The following DDX19B variants were observed in gnomAD, a reference collection of about 807,000 sequenced individuals.
The protein encoded by DDX19B is DEAD-box helicase 19B, also known as ATP-dependent RNA helicase DDX19B.
A neutral mutation model predicts 58.1 loss-of-function variants in DDX19B; 27 were observed. The observed-to-expected ratio is 0.46, with a 90% CI of 0.34 to 0.64. DDX19B has a LOEUF of 0.64. DDX19B is among the 30% of genes least tolerant of loss of function. The pLI is 0.01. For synonymous variants in DDX19B, 187 were observed against 214.4 expected, an observed-to-expected ratio of 0.87 and a Z score of 1.12; for missense variants, 399 against 596.5, an observed-to-expected ratio of 0.67 and a Z score of 3.45.
chr16:70,321,992 G>A (rs994902831), intron 5 of DDX19B, among the ~76,000 whole-genome samples: 8 of 149,180 alleles, frequency 5.4e-5, no homozygotes, highest in African/African-American at 7.4e-5. Context: ...CTGAGATCGC[G>A]CCATTGGACT....
chr16:70,329,605 T>A, intron 8 of DDX19B, 136 bp downstream of exon 8: 3 of 1,394,546 alleles, frequency 2.2e-6, no homozygotes, highest in Non-Finnish European at 2.9e-6. Context: ...GACGGGCCAC[T>A]TCCGTGTCAG....
chr16:70,304,498 G>A (rs949277079), intron 1 of DDX19B, among the ~76,000 whole-genome samples: 2 of 148,080 alleles, frequency 1.4e-5, no homozygotes, highest in Admixed American at 6.7e-5. Context: ...TTAGTCCCCC[G>A]AGTAGCTGGG....
chr16:70,325,780 A>G (rs1963112961), intron 7 of DDX19B, 92 bp downstream of exon 7: 2 of 930,474 alleles, frequency 2.1e-6, no homozygotes, highest in Non-Finnish European at 3.5e-6. Context: ...ATAATACAAT[A>G]AACACATGTA....
At chr16:70,305,023 T>C (rs58434182) in intron 1 of DDX19B, among the ~76,000 whole-genome samples, 14,006 of 152,144 alleles carry the variant, frequency 0.092, 2,095 homozygotes, top group African/African-American at 0.32. Flanking sequence ...TCTACTTTTT[T>C]GTGATGACTG....
intron 7 of DDX19B, among the ~76,000 whole-genome samples, chr16:70,326,873 C>T (rs567383239): frequency 2.0e-5 from 3 of 151,216 alleles, no homozygotes; most frequent in African/African-American, 7.3e-5. Flanking sequence ...CTCGCCCTGT[C>T]GCCCAGGCTG....
At chr16:70,296,044 G>A (rs1311719234), upstream of DDX19B, among the ~76,000 whole-genome samples, 1 of 135,864 alleles carries the variant, frequency 7.4e-6, no homozygotes, top group Non-Finnish European at 1.5e-5. Context: ...TCGCTCTGTT[G>A]CCCAGGCTGG....
At chr16:70,311,030 CA>C (rs59944573) in intron 1 of DDX19B, among the ~76,000 whole-genome samples, 352 of 108,506 alleles carry the variant, frequency 3.2e-3, no homozygotes, top group Admixed American at 3.3e-3. Flanking sequence ...GACTCTGTCT[CA>C]AAAAAAAAAA....
intron 5 of DDX19B, among the ~76,000 whole-genome samples, chr16:70,323,055 C>T (rs1003009605): frequency 1.3e-5 from 2 of 151,984 alleles, no homozygotes; most frequent in African/African-American, 2.4e-5. Flanking sequence ...CCTCATTTTC[C>T]TCGTCCATAT....
intron 1 of DDX19B, among the ~76,000 whole-genome samples, chr16:70,309,245 C>A (rs562241791): frequency 2.6e-5 from 4 of 152,118 alleles, no homozygotes; most frequent in African/African-American, 9.7e-5. Context: ...CCTGTAATCC[C>A]AGCACTTCGG....
At chr16:70,306,504 GT>G (rs1961763448) in intron 1 of DDX19B, among the ~76,000 whole-genome samples, 1 of 152,150 alleles carries the variant, frequency 6.6e-6, no homozygotes, top group East Asian at 1.9e-4. Flanking sequence ...GCCTAAGAGG[GT>G]TTGTTAGGAG....
chr16:70,329,231 A>G, intron 7 of DDX19B, 61 bp from the exon 8 acceptor site: 1 of 1,539,980 alleles, frequency 6.5e-7, no homozygotes, highest in East Asian at 2.3e-5. Flanking sequence ...TCAAAAAAAA[A>G]AAAAAAAAAA....
chr16:70,294,168 G>A (rs990116245), upstream of DDX19B, among the ~76,000 whole-genome samples: 4 of 132,534 alleles, frequency 3.0e-5, no homozygotes, highest in African/African-American at 1.1e-4. Context: ...TGCAAGCTCC[G>A]CCTCCCGGGT....
rs747153226 is a variant in DDX19B at position 70,325,688 on chromosome 16, T to A, written c.607T>A (p.Leu203Met). 1.9e-6 allele frequency: 3 copies of A among 1,601,214 alleles called. No homozygotes were observed. In the South Asian group the frequency reaches 3.3e-5, roughly 18 times the overall value. Residue 203 changes from leucine to methionine, a missense_variant and splice_region_variant, in exon 7 of 12, where the codon TTG (leucine) becomes ATG (methionine). Transcript: ENST00000288071. ...AGCTTATGCTGTTCGAGGCAATAAA[T>A]GTGAGTATGTGAATTTGGTCCTAAA... ...KLAYAVRGNK[L>M]ERGQKISEQI...
At chr16:70,309,234 G>A (rs1299396552) in intron 1 of DDX19B, among the ~76,000 whole-genome samples, 1 of 152,102 alleles carries the variant, frequency 6.6e-6, no homozygotes, top group East Asian at 1.9e-4. Context: ...GGTGGCTTAT[G>A]CCTGTAATCC....
chr16:70,300,353 G>A (rs1961429213), intron 1 of DDX19B, among the ~76,000 whole-genome samples: 1 of 151,772 alleles, frequency 6.6e-6, no homozygotes, highest in African/African-American at 2.4e-5. Context: ...CTGTAGTCAT[G>A]TGCCACTATG....
chr16:70,300,507 C>A (rs1052062418), intron 1 of DDX19B, among the ~76,000 whole-genome samples: 2 of 152,062 alleles, frequency 1.3e-5, no homozygotes, highest in African/African-American at 4.8e-5. Flanking sequence ...TGCATCCAGC[C>A]TCTTTTTTCT....
chr16:70,314,845 C>G, intron 2 of DDX19B, 57 bp from the exon 3 acceptor site: 1 of 1,584,978 alleles, frequency 6.3e-7, no homozygotes, highest in Non-Finnish European at 8.6e-7. Flanking sequence ...TTTGAATTGT[C>G]TCAACTGTTG....
At position 70,333,074 on chromosome 16, in the gene DDX19B, C is replaced by T; in HGVS notation, c.1293C>T (p.Gly431=). ...ETYLHRIGRT[G]RFGKRGLAVN... is the part of the protein sequence containing the mutation. ...ACCTGCACCGGATCGGGCGCACGGG[C>T]CGCTTTGGCAAGAGGGGCCTGGCAG... Residue 431 remains glycine (G), a synonymous_variant, in exon 11 of 12, where the codon GGC becomes GGT. Coordinates refer to ENST00000288071, the MANE Select transcript of DDX19B (RefSeq NM_007242.7). 1 of 1,604,500 alleles carries T rather than the reference C, an allele frequency of 6.2e-7. No homozygotes were observed. Among genetic ancestry groups the T allele is most frequent in the South Asian group, 1.1e-5 (1 of 90,170 alleles).
intron 10 of DDX19B, among the ~76,000 whole-genome samples, 176 bp downstream of exon 10, chr16:70,332,060 C>T (rs1963514390): frequency 6.6e-6 from 1 of 152,174 alleles, no homozygotes; most frequent in South Asian, 2.1e-4. Context: ...TAAGAACTCC[C>T]ACAGAAGCCA....
Sources: allele counts gnomAD v4.1 joint callset (sites outside exome capture counted in the v4.1 genomes callset), GRCh38; gene constraint gnomAD v4.1.1; transcripts MANE v1.5; gene names NCBI Gene and HGNC (gene_info 2026-07-23, HGNC 2026-07-21).